Variants in CDH2 observed in about 807,000 individuals in gnomAD.
CDH2 encodes cadherin 2.
Under a neutral mutation model 92.0 loss-of-function variants are expected in CDH2, and 17 were observed. That is an observed-to-expected ratio of 0.18 (90% confidence interval 0.13 to 0.28). The LOEUF is 0.28. Among genes scored for constraint, CDH2 ranks in the 10% least tolerant of loss-of-function variants. CDH2 has a pLI of 1.00. For synonymous variants in CDH2, 419 were observed against 415.9 expected (o/e 1.01, Z -0.09); for missense variants, 862 against 1,133.1 (o/e 0.76, Z 3.44).
At chr18:27,940,257 T>G (rs1309184884) in intron 6 of CDH2, among the ~76,000 whole-genome samples, 1 of 152,230 alleles carries the variant, frequency 6.6e-6, no homozygotes, top group African/African-American at 2.4e-5. Flanking sequence ...CTAAATCAGA[T>G]GAGACCCCAA....
intron 15 of CDH2, among the ~76,000 whole-genome samples, chr18:27,958,264 T>C: frequency 6.6e-6 from 1 of 151,860 alleles, no homozygotes; most frequent in East Asian, 1.9e-4. Flanking sequence ...GAAATTAAAA[T>C]TAATTAATAG....
At chr18:28,009,013 A>G (rs898215840) in intron 5 of CDH2, among the ~76,000 whole-genome samples, 2 of 152,152 alleles carry the variant, frequency 1.3e-5, no homozygotes, top group African/African-American at 4.8e-5. Flanking sequence ...TTCAAATGTA[A>G]AAAGTAAATA....
At chr18:27,990,728 T>C (rs1303460575) in intron 9 of CDH2, among the ~76,000 whole-genome samples, 1 of 152,132 alleles carries the variant, frequency 6.6e-6, no homozygotes, top group Non-Finnish European at 1.5e-5. Context: ...CTCTCAAACA[T>C]TAGTACAAAG....
chr18:28,164,318 A>G (rs2016347741), intron 1 of CDH2, among the ~76,000 whole-genome samples: 1 of 152,130 alleles, frequency 6.6e-6, no homozygotes, highest in South Asian at 2.1e-4. Flanking sequence ...GTGTCCTAAT[A>G]TGTAAATTGG....
chr18:28,161,966 A>G (rs1230054730), intron 1 of CDH2, among the ~76,000 whole-genome samples: 1 of 152,234 alleles, frequency 6.6e-6, no homozygotes, highest in African/African-American at 2.4e-5. Context: ...AGATGGGAGC[A>G]CTGTCAAAGA....
At chr18:28,081,360 C>A (rs1383536293) in intron 2 of CDH2, among the ~76,000 whole-genome samples, 1 of 152,072 alleles carries the variant, frequency 6.6e-6, no homozygotes, top group Non-Finnish European at 1.5e-5. Context: ...AAATAACTGA[C>A]CATTAATTCA....
chr18:28,156,116 C>T (rs1463981880), intron 1 of CDH2, among the ~76,000 whole-genome samples: 1 of 152,198 alleles, frequency 6.6e-6, no homozygotes, highest in Non-Finnish European at 1.5e-5. Flanking sequence ...TGAGGCCACA[C>T]ATTTGCCCCA....
intron 15 of CDH2, among the ~76,000 whole-genome samples, chr18:27,956,887 C>G (rs571388632): frequency 1.3e-5 from 2 of 152,080 alleles, no homozygotes; most frequent in Non-Finnish European, 2.9e-5. Context: ...AACTCAAATG[C>G]CTGCTGTTGG....
At chr18:28,165,451 C>A (rs1182489969) in intron 1 of CDH2, among the ~76,000 whole-genome samples, 2 of 152,184 alleles carry the variant, frequency 1.3e-5, no homozygotes, top group Non-Finnish European at 1.5e-5. Flanking sequence ...CTCAGCCTCC[C>A]AAAGTATTGG....
chr18:28,037,480 A>G (rs1226326803), intron 2 of CDH2, among the ~76,000 whole-genome samples: 1 of 152,164 alleles, frequency 6.6e-6, no homozygotes, highest in African/African-American at 2.4e-5. Context: ...CAGCATAAGA[A>G]TATTGTGGGA....
In CDH2 at chr18:28,033,189, A is replaced by G. The variant is rs143924171; in HGVS notation, c.173-19280T>C. ...TGATGGTACATTCACAGAGATATCA[A>G]TATGTAGAGAAAGGGTGGTGTCTGG... On this transcript the variant is annotated intron_variant, in intron 2 of 15. Transcript: ENST00000269141. 3.7e-4 allele frequency among the ~76,000 whole-genome samples: 57 copies of G among 152,220 alleles called. No individual in the cohort carries two copies. The East Asian group carries it at 0.011, about 29-fold the overall frequency.
chr18:28,009,545 TTTA>T (rs2013035396), intron 5 of CDH2, among the ~76,000 whole-genome samples, 169 bp downstream of exon 5: 1 of 152,192 alleles, frequency 6.6e-6, no homozygotes, highest in Non-Finnish European at 1.5e-5. Context: ...TATGAGGGCA[TTTA>T]TCAATTCTAT....
intron 2 of CDH2, among the ~76,000 whole-genome samples, chr18:28,141,955 T>C (rs1335553218): frequency 6.6e-6 from 1 of 151,914 alleles, no homozygotes; most frequent in Non-Finnish European, 1.5e-5. Context: ...TGGTATCCTA[T>C]GCAATGACAT....
At chr18:28,017,163 T>A (rs765411759) in intron 2 of CDH2, among the ~76,000 whole-genome samples, 10 of 152,174 alleles carry the variant, frequency 6.6e-5, no homozygotes, top group Non-Finnish European at 1.5e-4. Flanking sequence ...TGTTTCTCTA[T>A]CTTGTGGAAT....
downstream of CDH2, among the ~76,000 whole-genome samples, chr18:27,946,048 GTACTGAAAGT>G (rs1567930463): frequency 6.6e-6 from 1 of 152,140 alleles, no homozygotes; most frequent in African/African-American, 2.4e-5. Flanking sequence ...AGAACTGAAG[GTACTGAAAGT>G]TACTGAGCAA....
chr18:27,964,142 A>ACTAT (rs2011480762), intron 14 of CDH2, among the ~76,000 whole-genome samples: 1 of 152,196 alleles, frequency 6.6e-6, no homozygotes, highest in Non-Finnish European at 1.5e-5. Flanking sequence ...TAAATTATTT[A>ACTAT]CTATCTGGCC....
chr18:28,171,213 C>T (rs986847835), intron 1 of CDH2, among the ~76,000 whole-genome samples: 1 of 141,778 alleles, frequency 7.1e-6, no homozygotes, highest in Non-Finnish European at 1.5e-5. Context: ...CCTGACAGAG[C>T]GAGACTGTCT....
At chr18:28,063,132 T>G (rs942629695) in intron 2 of CDH2, among the ~76,000 whole-genome samples, 4 of 152,222 alleles carry the variant, frequency 2.6e-5, no homozygotes, top group Non-Finnish European at 5.9e-5. Context: ...GATTTTTTTA[T>G]AATAAAAGTA....
intron 2 of CDH2, among the ~76,000 whole-genome samples, chr18:28,067,103 C>T (rs1297913658): frequency 6.6e-6 from 1 of 152,058 alleles, no homozygotes; most frequent in Non-Finnish European, 1.5e-5. Flanking sequence ...TTCACAAAAT[C>T]TGAAAGTAAA....
Sources: allele counts gnomAD v4.1 joint callset (sites outside exome capture counted in the v4.1 genomes callset), GRCh38; gene constraint gnomAD v4.1.1; transcripts MANE v1.5; gene names NCBI Gene and HGNC (gene_info 2026-07-23, HGNC 2026-07-21).